Variants in GRIK3 observed in about 807,000 individuals in gnomAD.
The protein encoded by GRIK3 is glutamate receptor ionotropic, kainate 3.
GRIK3 carries 29 observed loss-of-function variants against 102.5 expected under a neutral mutation model. That is an observed-to-expected ratio of 0.28 (90% CI 0.21 to 0.39). The LOEUF (loss-of-function observed/expected upper bound fraction) is 0.39, where lower values mean the gene tolerates loss of function less well. Ranked by LOEUF, GRIK3 falls within the 10% of genes least tolerant of loss-of-function variation. The pLI is 1.00. For missense variants in GRIK3, 908 were observed against 1,252.4 expected (o/e 0.73, Z 4.15); for synonymous variants, 511 against 504.9 (o/e 1.01, Z -0.16).
intron 1 of GRIK3, among the ~76,000 whole-genome samples, chr1:37,023,361 A>T (rs552399709): frequency 2.4e-4 from 36 of 152,044 alleles, no homozygotes; most frequent in African/African-American, 7.5e-4. Flanking sequence ...AAAAGGAAAG[A>T]AAAAAGGAAA....
intron 1 of GRIK3, among the ~76,000 whole-genome samples, chr1:36,910,606 T>C (rs1641333863): frequency 6.6e-6 from 1 of 152,220 alleles, no homozygotes; most frequent in African/African-American, 2.4e-5. Context: ...TTGCTTCCCC[T>C]GCTGGACACA....
intron 1 of GRIK3, among the ~76,000 whole-genome samples, chr1:37,019,885 C>G (rs1211988557): frequency 6.6e-6 from 1 of 152,188 alleles, no homozygotes; most frequent in Non-Finnish European, 1.5e-5. Flanking sequence ...CACTTTGTAG[C>G]TACCATAGCT....
chr1:36,877,166 A>G (rs114967882), intron 3 of GRIK3, among the ~76,000 whole-genome samples: 1,683 of 152,276 alleles, frequency 0.011, 26 homozygotes, highest in African/African-American at 0.039. Flanking sequence ...CAGTTTTGCT[A>G]GCATGGTATC....
At chr1:37,006,265 T>C (rs1642532085) in intron 1 of GRIK3, among the ~76,000 whole-genome samples, 1 of 152,150 alleles carries the variant, frequency 6.6e-6, no homozygotes, top group African/African-American at 2.4e-5. Context: ...GGGCAGAGCT[T>C]CTCCTCCTGC....
chr1:36,965,046 C>A (rs1642064812), intron 1 of GRIK3, among the ~76,000 whole-genome samples: 1 of 152,180 alleles, frequency 6.6e-6, no homozygotes, highest in Non-Finnish European at 1.5e-5. Context: ...CCAAGGGGCC[C>A]AGTGCCGTGG....
chr1:36,902,638 G>T (rs1641244178), intron 1 of GRIK3, among the ~76,000 whole-genome samples: 1 of 152,162 alleles, frequency 6.6e-6, no homozygotes, highest in Non-Finnish European at 1.5e-5. Flanking sequence ...ACTTGGGTTT[G>T]GCAATGGCTT....
At position 36,864,744 on chromosome 1, in the gene GRIK3, A is replaced by G. The variant is rs540186662; in HGVS notation, c.787-4727T>C. 7.2e-5 allele frequency among the ~76,000 whole-genome samples: 11 copies of G among 152,306 alleles called. No individual in the cohort carries two copies. In the South Asian group the frequency reaches 1.0e-3, roughly 14 times the overall value. On this transcript the variant is annotated intron_variant, in intron 5 of 15. Coordinates refer to ENST00000373091, the MANE Select transcript of GRIK3 (RefSeq NM_000831.4). The stretch of plus-strand genomic sequence containing the variant: ...ACCCCTGAGCCTGGGCTTAGCTGCA[A>G]AGTGTTGTAGGGCCTGTGGCACAGA...
At position 36,880,058 on chromosome 1, in the gene GRIK3, A is replaced by G. The variant is rs1250837228; in HGVS notation, c.550+576T>C. 4.6e-5 allele frequency among the ~76,000 whole-genome samples: 7 copies of G among 152,076 alleles called. No homozygotes were observed. The highest frequency in any genetic ancestry group is 8.8e-5 in the Non-Finnish European group (6 of 68,020). On this transcript the variant is annotated intron_variant, in intron 3 of 15. Coordinates refer to ENST00000373091, the MANE Select transcript of GRIK3 (RefSeq NM_000831.4). The surrounding 1 kb of genome is among the most constrained non-coding windows in gnomAD (Gnocchi z 5.4). ...TGAGAAGAACCAACCTTCAGCGCTCACTGCATGTCAGTGCTTGTCACTGTC... is the reference window on the plus strand; with the variant it reads ...TGAGAAGAACCAACCTTCAGCGCTCGCTGCATGTCAGTGCTTGTCACTGTC...
intron 1 of GRIK3, among the ~76,000 whole-genome samples, chr1:37,030,320 G>A (rs987902624): frequency 7.2e-5 from 11 of 152,202 alleles, no homozygotes; most frequent in Admixed American, 3.3e-4. Flanking sequence ...AAACTCAAGA[G>A]ATGAATGTTT....
intron 1 of GRIK3, among the ~76,000 whole-genome samples, chr1:36,892,134 TCA>T (rs763015576): frequency 6.6e-5 from 10 of 152,166 alleles, no homozygotes; most frequent in Non-Finnish European, 8.8e-5. Flanking sequence ...TTCTCCAACC[TCA>T]GTCTCTCAAG....
intron 10 of GRIK3, among the ~76,000 whole-genome samples, chr1:36,830,412 A>G (rs1640248391): frequency 6.6e-6 from 1 of 151,078 alleles, no homozygotes; most frequent in South Asian, 2.1e-4. Flanking sequence ...TATGAGTATG[A>G]TCTTATTTGG....
At chr1:37,030,820 G>C (rs1227300353) in intron 1 of GRIK3, among the ~76,000 whole-genome samples, 3 of 152,110 alleles carry the variant, frequency 2.0e-5, no homozygotes, top group Non-Finnish European at 2.9e-5. Flanking sequence ...AGGGAACTTT[G>C]AAACCACAGA....
chr1:36,893,875 G>A (rs1641144925), intron 1 of GRIK3, among the ~76,000 whole-genome samples: 1 of 152,186 alleles, frequency 6.6e-6, no homozygotes, highest in Non-Finnish European at 1.5e-5. Context: ...TCTGGCAGAG[G>A]TGCAGTACAA....
rs1272529457 is a variant in GRIK3 at position 36,806,542 on chromosome 1, T to C, written c.2092-216A>G. ...CCAATGATAAAACGGAAATGTAGAC[T>C]CAGGCCTGCTTCCTGGAAACCCTGG... On this transcript the variant is annotated intron_variant, in intron 13 of 15. Coordinates refer to ENST00000373091, the MANE Select transcript of GRIK3 (RefSeq NM_000831.4). This position sits in a 1 kb window ranked among gnomAD's most constrained non-coding sequence, Gnocchi z 4.0. Among the ~76,000 whole-genome samples the C allele has an allele frequency of 6.6e-6, 1 of 152,122 alleles. No individual in the cohort carries two copies. The highest frequency in any genetic ancestry group is 1.5e-5 in the Non-Finnish European group (1 of 68,020).
rs76913791 is a variant in GRIK3, at chr1:36,868,437, C to T, written c.786+1311G>A. Among the ~76,000 whole-genome samples, 1,277 of 152,290 alleles carry T rather than the reference C, an allele frequency of 8.4e-3. 16 individuals carry two copies. Among genetic ancestry groups the T allele is most frequent in the African/African-American group, 0.029 (1,214 of 41,560 alleles). On this transcript the variant is annotated intron_variant, in intron 5 of 15. Transcript: ENST00000373091. ...GGTCTGAGCCCTGGATCAGGAGAAT[C>T]GCAGGGTGGCTCCTGAGCTCTGCTG...
chr1:36,884,889 C>T (rs1290669339), intron 2 of GRIK3, among the ~76,000 whole-genome samples: 1 of 152,218 alleles, frequency 6.6e-6, no homozygotes, highest in Non-Finnish European at 1.5e-5. Flanking sequence ...GGCCTGGCCT[C>T]TTAGGTCATG....
intron 1 of GRIK3, among the ~76,000 whole-genome samples, chr1:36,958,218 G>C (rs111747097): frequency 1.4e-5 from 1 of 73,416 alleles, no homozygotes; most frequent in Non-Finnish European, 2.4e-5. Flanking sequence ...TCTGTGCCCC[G>C]TGAGCCTGTG....
chr1:36,987,191 G>T (rs1642315163), intron 1 of GRIK3, among the ~76,000 whole-genome samples: 1 of 151,688 alleles, frequency 6.6e-6, no homozygotes, highest in Admixed American at 6.6e-5. Context: ...AAGTCCATCA[G>T]GTGGGCAGCA....
intron 1 of GRIK3, among the ~76,000 whole-genome samples, chr1:36,927,277 C>A (rs1641537449): frequency 6.6e-6 from 1 of 152,152 alleles, no homozygotes; most frequent in Non-Finnish European, 1.5e-5. Context: ...CAACCTAATT[C>A]TTCTCGTTTT....
Sources: allele counts gnomAD v4.1 joint callset (sites outside exome capture counted in the v4.1 genomes callset), GRCh38; gene constraint gnomAD v4.1.1; non-coding constraint Gnocchi (gnomAD v3.1); transcripts MANE v1.5; gene names NCBI Gene and HGNC (gene_info 2026-07-23, HGNC 2026-07-21).